Variants in NUP214 observed in about 807,000 individuals in gnomAD.
NUP214 encodes nucleoporin 214.
In NUP214, 79 loss-of-function variants were observed where a neutral mutation model predicts 196.2. The ratio of observed to expected loss-of-function variants is 0.40; its 90% CI spans 0.34 to 0.49. NUP214 has a LOEUF of 0.49. Ranked by LOEUF, NUP214 falls within the 20% of genes least tolerant of loss-of-function variation. The pLI, the probability that NUP214 is intolerant of heterozygous loss-of-function variation, is 0.58. For synonymous variants in NUP214, 1,020 were observed against 990.5 expected (o/e 1.03, Z -0.56); for missense variants, 2,468 against 2,539.0 (o/e 0.97, Z 0.60).
chr9:131,131,847 C>T (rs1831553534), intron 5 of NUP214, among the ~76,000 whole-genome samples: 1 of 151,912 alleles, frequency 6.6e-6, no homozygotes, highest in Non-Finnish European at 1.5e-5. Flanking sequence ...TGCCACCATG[C>T]ACAGCTAATT....
chr9:131,139,189 C>G (rs1831830639), intron 9 of NUP214, 92 bp from the exon 10 acceptor site: 1 of 1,283,832 alleles, frequency 7.8e-7, no homozygotes, highest in Non-Finnish European at 1.0e-6. Context: ...CCTATTTGAA[C>G]AATGTTAGGA....
chr9:131,170,079 G>A (rs989104104), intron 21 of NUP214, among the ~76,000 whole-genome samples: 1 of 152,014 alleles, frequency 6.6e-6, no homozygotes, highest in African/African-American at 2.4e-5. Context: ...GGAGATAGAT[G>A]GTAGTCACGG....
At chr9:131,175,694 T>G in intron 23 of NUP214, 73 bp downstream of exon 23, 1 of 1,530,942 alleles carries the variant, frequency 6.5e-7, no homozygotes, top group Non-Finnish European at 8.8e-7. Flanking sequence ...GGACAGCAGG[T>G]GGCAAGAAAC....
chr9:131,197,979 G>A lies in NUP214; in HGVS notation c.4485G>A (p.Glu1495=). The change falls in exon 29 of 36, where the codon GAG becomes GAA. Residue 1495 remains glutamate (E), a synonymous_variant. Coordinates refer to ENST00000359428, the MANE Select transcript of NUP214 (RefSeq NM_005085.4). ...TGTCCGCTGGCAGAAGCACAGAAGA[G>A]GCCACTTCATCAGCTTTGCCTGAGA... ...LPMSAGRSTE[E]ATSSALPEKP... is the part of the protein sequence containing the mutation. 3.1e-6 allele frequency: 5 copies of A among 1,614,222 alleles called. No homozygotes were observed. Among genetic ancestry groups the A allele is most frequent in the Non-Finnish European group, 3.4e-6 (4 of 1,180,042 alleles).
At position 131,189,285 on chromosome 9, in the gene NUP214, C is replaced by G. The variant is rs573576304; in HGVS notation, c.3574+154C>G. ...GGTAGTATGACCATAGACAAGAGATCATATTTGAAAGCCGTCAGCTAATGA... is the reference window on the plus strand; with the variant it reads ...GGTAGTATGACCATAGACAAGAGATGATATTTGAAAGCCGTCAGCTAATGA... On this transcript the variant is annotated intron_variant, in intron 26 of 35. Coordinates refer to ENST00000359428, the MANE Select transcript of NUP214 (RefSeq NM_005085.4). Among the ~76,000 whole-genome samples, 85 of 152,248 alleles carry G rather than the reference C, an allele frequency of 5.6e-4. 1 individual carries two copies. In the South Asian group the frequency reaches 0.018, roughly 32 times the overall value.
intron 17 of NUP214, among the ~76,000 whole-genome samples, chr9:131,156,353 C>T (rs1215202859): frequency 1.3e-5 from 2 of 151,674 alleles, no homozygotes; most frequent in African/African-American, 4.8e-5. Context: ...AGGATGGTCT[C>T]GATCTCCTGA....
chr9:131,134,614 A>G (rs1831660216), intron 7 of NUP214, among the ~76,000 whole-genome samples: 1 of 152,174 alleles, frequency 6.6e-6, no homozygotes, highest in Admixed American at 6.5e-5. Context: ...AAGTAGGCTT[A>G]GTAGGTCTAG....
chr9:131,205,082 C>A (rs1017340043), intron 30 of NUP214, among the ~76,000 whole-genome samples: 12 of 152,044 alleles, frequency 7.9e-5, no homozygotes, highest in African/African-American at 2.7e-4. Context: ...GTCTAGCAGA[C>A]CTGACTCCAG....
intron 6 of NUP214, 40 bp from the exon 7 acceptor site, chr9:131,133,066 T>G: frequency 6.9e-7 from 1 of 1,452,334 alleles, no homozygotes; most frequent in African/African-American, 1.4e-5. Flanking sequence ...ATCTGGTTGC[T>G]GTCATTTTTA....
chr9:131,223,159 A>AAC (rs1489308006), intron 32 of NUP214, among the ~76,000 whole-genome samples: 2 of 151,510 alleles, frequency 1.3e-5, no homozygotes, highest in East Asian at 3.9e-4. Context: ...CAAGTAATGC[A>AAC]ACATTTTTTT....
At chr9:131,194,205 C>CAA (rs11463043) in intron 27 of NUP214, 2,911 of 140,404 alleles carry the variant, frequency 0.021, 85 homozygotes, top group African/African-American at 0.069. Flanking sequence ...GATTCTGTCT[C>CAA]AAAAAAAAAA....
intron 32 of NUP214, 52 bp downstream of exon 32, chr9:131,222,982 G>A (rs1415385086): frequency 1.9e-6 from 3 of 1,545,420 alleles, no homozygotes; most frequent in Non-Finnish European, 2.7e-6. Flanking sequence ...ATTTGTTTAT[G>A]CATAGATATC....
chr9:131,155,948 G>A (rs552617019), intron 17 of NUP214, among the ~76,000 whole-genome samples: 1 of 152,110 alleles, frequency 6.6e-6, no homozygotes, highest in Admixed American at 6.5e-5. Flanking sequence ...GCTTATTCTT[G>A]CTTTGACTAT....
At chr9:131,128,603 G>A in intron 3 of NUP214, 120 bp downstream of exon 3, 1 of 812,704 alleles carries the variant, frequency 1.2e-6, no homozygotes. Flanking sequence ...ATTAAAATAT[G>A]GGTTAAAAAA....
rs1022207897 is a variant in NUP214 at position 131,146,446 on chromosome 9, T to C, written c.1945+142T>C. 2.4e-6 allele frequency: 2 copies of C among 825,820 alleles called. No homozygotes were observed. The highest frequency in any genetic ancestry group is 3.8e-6 in the Non-Finnish European group (2 of 525,270). The allele number at this position is 825,820 out of a possible 1,614,324, so 51.2% of individuals were successfully genotyped here. A position where few individuals can be genotyped will look rare whatever the true frequency, so the allele number is the denominator to read the frequency against. On this transcript the variant is annotated intron_variant, in intron 13 of 35. Coordinates refer to ENST00000359428, the MANE Select transcript of NUP214 (RefSeq NM_005085.4). This position sits in a 1 kb window ranked among gnomAD's most constrained non-coding sequence, Gnocchi z 4.6. ...TATCATACATTAATGATTAATGTGC[T>C]GTGATTTTCATACTCTGAATTGGGA...
intron 17 of NUP214, 47 bp downstream of exon 17, chr9:131,151,941 A>C: frequency 3.4e-6 from 5 of 1,457,762 alleles, no homozygotes; most frequent in Middle Eastern, 2.4e-4. Flanking sequence ...AAACAAGCTC[A>C]TGTAACAATT....
chr9:131,214,672 C>T (rs1441888981), intron 30 of NUP214, among the ~76,000 whole-genome samples: 1 of 152,180 alleles, frequency 6.6e-6, no homozygotes, highest in Non-Finnish European at 1.5e-5. Flanking sequence ...GGACAGAATT[C>T]AGCTTTGGTC....
At chr9:131,169,227 G>A (rs907116723) in intron 21 of NUP214, among the ~76,000 whole-genome samples, 6 of 151,784 alleles carry the variant, frequency 4.0e-5, no homozygotes, top group African/African-American at 1.5e-4. Context: ...TAGAGATGGG[G>A]GTTTCACCGT....
Position 131,163,952 on chromosome 9 carries a change from C to T in NUP214, c.2806C>T (p.Pro936Ser), listed in dbSNP as rs1003111403. 3 of 1,613,874 alleles carry T rather than the reference C, an allele frequency of 1.9e-6. No individual in the cohort carries two copies. Among genetic ancestry groups the T allele is most frequent in the Non-Finnish European group, 2.5e-6 (3 of 1,179,788 alleles). The change falls in exon 20 of 36, where the codon CCA becomes TCA. Residue 936 changes from proline to serine, a missense_variant. By Grantham distance (74) the Pro-to-Ser change is moderately conservative. Transcript: ENST00000359428. The part of the protein sequence containing the change: ...ESHTKSLPKV[P>S]AKLSPMKQAQ... ...TCACACCAAATCCTTGCCCAAAGTA[C>T]CAGGTAATTGCATCCTTCCCAGTCT... is the stretch of plus-strand genomic sequence containing the variant.
Sources: allele counts gnomAD v4.1 joint callset (sites outside exome capture counted in the v4.1 genomes callset), GRCh38; gene constraint gnomAD v4.1.1; non-coding constraint Gnocchi (gnomAD v3.1); transcripts MANE v1.5; gene names NCBI Gene and HGNC (gene_info 2026-07-23, HGNC 2026-07-21).